The following ARHGAP22 variants were observed in gnomAD, a reference collection of about 807,000 sequenced individuals.
ARHGAP22 encodes Rho GTPase activating protein 22, also known as rho GTPase-activating protein 22.
A neutral mutation model predicts 59.1 loss-of-function variants in ARHGAP22; 48 were observed. The observed-to-expected ratio is 0.81, with a 90% CI of 0.64 to 1.03. The LOEUF (loss-of-function observed/expected upper bound fraction) is 1.03, where lower values mean the gene tolerates loss of function less well. Among genes scored for constraint, ARHGAP22 ranks in the 50% least tolerant of loss-of-function variants. ARHGAP22 has a pLI of 0.00. For synonymous variants in ARHGAP22, 445 were observed against 416.4 expected, an observed-to-expected ratio of 1.07 and a Z score of -0.84; for missense variants, 1,015 against 958.7, an observed-to-expected ratio of 1.06 and a Z score of -0.78.
chr10:48,572,915 G>T (rs1473675871), intron 2 of ARHGAP22, among the ~76,000 whole-genome samples: 3 of 152,172 alleles, frequency 2.0e-5, no homozygotes, highest in Non-Finnish European at 4.4e-5. Context: ...GATTCAAGGG[G>T]AAGGGAAATA....
At chr10:48,637,058 C>T (rs1047785458) in intron 1 of ARHGAP22, among the ~76,000 whole-genome samples, 3 of 152,166 alleles carry the variant, frequency 2.0e-5, no homozygotes, top group African/African-American at 7.2e-5. Context: ...GAAAAGCTGC[C>T]TGCATACACA....
At chr10:48,442,513 C>G (rs916799255), downstream of ARHGAP22, among the ~76,000 whole-genome samples, 4 of 152,180 alleles carry the variant, frequency 2.6e-5, no homozygotes. Context: ...TGATGTGTCA[C>G]AAGGAAAAGA....
intron 3 of ARHGAP22, among the ~76,000 whole-genome samples, chr10:48,512,971 A>G (rs1278239667): frequency 6.6e-6 from 1 of 152,194 alleles, no homozygotes; most frequent in Admixed American, 6.5e-5. Context: ...AGAGCACTGT[A>G]AAAATTTGAT....
chr10:48,471,972 G>T (rs1220637874), intron 4 of ARHGAP22, among the ~76,000 whole-genome samples: 2 of 152,186 alleles, frequency 1.3e-5, no homozygotes, highest in East Asian at 3.8e-4. Context: ...ACTTTGGGAG[G>T]CCGAGGTGGG....
At chr10:48,458,802 A>G (rs1367880144) in intron 5 of ARHGAP22, among the ~76,000 whole-genome samples, 1 of 152,036 alleles carries the variant, frequency 6.6e-6, no homozygotes, top group Non-Finnish European at 1.5e-5. Flanking sequence ...GGTCCCCCGT[A>G]CCTCCCTGGG....
chr10:48,648,508 TG>T (rs2062409329), intron 1 of ARHGAP22, among the ~76,000 whole-genome samples: 1 of 152,314 alleles, frequency 6.6e-6, no homozygotes, highest in Admixed American at 6.5e-5. Flanking sequence ...AGCATCAGCC[TG>T]GGTCTTTAAG....
chr10:48,642,510 G>T (rs2062094521), intron 1 of ARHGAP22, among the ~76,000 whole-genome samples: 1 of 152,188 alleles, frequency 6.6e-6, no homozygotes, highest in African/African-American at 2.4e-5. Context: ...TTTAATAAAT[G>T]GTGCTGGGAA....
At position 48,587,084 on chromosome 10, in the gene ARHGAP22, C is replaced by T. The variant is rs576255995; in HGVS notation, c.35-3932G>A. ...TGGAGGACACAGACTTGGAAGAAAC[C>T]ACCCTGCCCAGATAAGGGTGAGCCG... On this transcript the variant is annotated intron_variant, in intron 1 of 9. Transcript: ENST00000249601. Among the ~76,000 whole-genome samples the T allele has an allele frequency of 1.1e-4, 17 of 152,340 alleles. No homozygotes were observed. The Middle Eastern group carries it at 0.01, about 91-fold the overall frequency.
At chr10:48,472,020 A>G (rs2048277865) in intron 4 of ARHGAP22, among the ~76,000 whole-genome samples, 2 of 151,752 alleles carry the variant, frequency 1.3e-5, no homozygotes, top group South Asian at 2.1e-4. Context: ...CAGCCTGGCC[A>G]AGATGGTGAA....
intron 1 of ARHGAP22, among the ~76,000 whole-genome samples, chr10:48,583,864 A>G (rs1381566747): frequency 1.3e-5 from 2 of 151,942 alleles, no homozygotes; most frequent in Non-Finnish European, 2.9e-5. Context: ...CAGCACTCCT[A>G]CCCCAGAGCC....
At chr10:48,654,152 G>A (rs1468651152), upstream of ARHGAP22, among the ~76,000 whole-genome samples, 2 of 152,156 alleles carry the variant, frequency 1.3e-5, no homozygotes, top group African/African-American at 4.8e-5. Flanking sequence ...TGGACTTCAG[G>A]CATGGCTGGA....
intron 3 of ARHGAP22, among the ~76,000 whole-genome samples, chr10:48,525,848 A>G (rs2054277684): frequency 6.6e-6 from 1 of 152,246 alleles, no homozygotes; most frequent in Admixed American, 6.5e-5. Flanking sequence ...AATGGAGTAA[A>G]GTGGGTGTCA....
At chr10:48,457,373 C>T (rs987752776) in intron 5 of ARHGAP22, among the ~76,000 whole-genome samples, 3 of 152,184 alleles carry the variant, frequency 2.0e-5, no homozygotes, top group African/African-American at 2.4e-5. Flanking sequence ...CCATCTGCAG[C>T]ACCCTGGGAG....
intron 3 of ARHGAP22, among the ~76,000 whole-genome samples, chr10:48,498,667 G>A (rs955286508): frequency 2.0e-5 from 3 of 152,226 alleles, no homozygotes; most frequent in Non-Finnish European, 4.4e-5. Flanking sequence ...AAGAAGGGCA[G>A]CAGCCACAGA....
At chr10:48,467,994 C>T (rs1413032540) in intron 4 of ARHGAP22, among the ~76,000 whole-genome samples, 1 of 152,116 alleles carries the variant, frequency 6.6e-6, no homozygotes, top group African/African-American at 2.4e-5. Context: ...TTAAGGGGCA[C>T]CCAAAACCTC....
At chr10:48,567,795 C>A (rs1415625663) in intron 2 of ARHGAP22, among the ~76,000 whole-genome samples, 1 of 152,158 alleles carries the variant, frequency 6.6e-6, no homozygotes, top group African/African-American at 2.4e-5. Flanking sequence ...ATGAGGCCAA[C>A]ATCTGGCCCA....
chr10:48,522,305 A>G (rs2053879935), intron 3 of ARHGAP22, among the ~76,000 whole-genome samples: 1 of 152,194 alleles, frequency 6.6e-6, no homozygotes, highest in African/African-American at 2.4e-5. Flanking sequence ...GTGGCCAGCC[A>G]TCTCTCGGGT....
intron 8 of ARHGAP22, 92 bp from the exon 9 acceptor site, chr10:48,451,232 A>C: frequency 1.3e-6 from 2 of 1,516,646 alleles, no homozygotes; most frequent in Non-Finnish European, 1.8e-6. Flanking sequence ...GCTTCGTGGG[A>C]GCTGGCCCTG....
the ARHGAP22 span, chr10:48,435,046 GGGGTGGGAGGGAT>G: frequency 6.6e-7 from 1 of 1,506,194 alleles, no homozygotes; most frequent in Non-Finnish European, 9.0e-7. Flanking sequence ...GGGCCATCGG[GGGGTGGGAGGGAT>G]GGGGAGTCGG....
Sources: allele counts gnomAD v4.1 joint callset (sites outside exome capture counted in the v4.1 genomes callset), GRCh38; gene constraint gnomAD v4.1.1; transcripts MANE v1.5; gene names NCBI Gene and HGNC (gene_info 2026-07-23, HGNC 2026-07-21).